The following PLEKHM3 variants were observed in gnomAD, a reference collection of about 807,000 sequenced individuals.
PLEKHM3 encodes the protein pleckstrin homology domain-containing family M member 3.
A neutral mutation model predicts 81.8 loss-of-function variants in PLEKHM3; 45 were observed. That is an observed-to-expected ratio of 0.55 (90% CI 0.43 to 0.71). The LOEUF (loss-of-function observed/expected upper bound fraction) is 0.71. Among genes scored for constraint, PLEKHM3 ranks in the 30% least tolerant of loss-of-function variants. The pLI, the probability that PLEKHM3 is intolerant of heterozygous loss-of-function variation, is 0.00. For synonymous variants in PLEKHM3, 352 were observed against 356.4 expected, an observed-to-expected ratio of 0.99 and a Z score of 0.14; for missense variants, 788 against 924.3, an observed-to-expected ratio of 0.85 and a Z score of 1.91.
At chr2:207,926,937 C>T (rs902655761) in intron 5 of PLEKHM3, among the ~76,000 whole-genome samples, 2 of 152,202 alleles carry the variant, frequency 1.3e-5, no homozygotes, top group African/African-American at 4.8e-5. Context: ...TCAGTTTTCT[C>T]ACGACAGCAA....
At chr2:207,893,091 A>T (rs1241451225) in intron 6 of PLEKHM3, among the ~76,000 whole-genome samples, 1 of 152,096 alleles carries the variant, frequency 6.6e-6, no homozygotes, top group Non-Finnish European at 1.5e-5. Flanking sequence ...CTTTGGTCTC[A>T]TGGAGACAGA....
chr2:207,942,608 T>C (rs775131371), intron 4 of PLEKHM3, among the ~76,000 whole-genome samples: 42 of 151,944 alleles, frequency 2.8e-4, no homozygotes, highest in Non-Finnish European at 1.5e-4. Flanking sequence ...GAAATTAAAG[T>C]GAAATAAGCC....
chr2:208,003,881 A>G (rs545841127), intron 1 of PLEKHM3, among the ~76,000 whole-genome samples: 2 of 152,340 alleles, frequency 1.3e-5, no homozygotes, highest in Admixed American at 1.3e-4. Flanking sequence ...TGAAATGAAC[A>G]TAAACAAAGT....
rs4021953 is a variant in PLEKHM3, at chr2:207,976,409, A to G, written c.1546+242T>C. On this transcript the variant is annotated intron_variant, in intron 3 of 7. Coordinates refer to ENST00000427836, the MANE Select transcript of PLEKHM3 (RefSeq NM_001080475.3). This position sits in a 1 kb window ranked among gnomAD's most constrained non-coding sequence, Gnocchi z 4.1. Reference sequence around the variant, plus strand: ...TTTAGCCAAATCATTTTGATTCAACAGGATATATCATAGCTGCTTCTATTT... The same window carrying G: ...TTTAGCCAAATCATTTTGATTCAACGGGATATATCATAGCTGCTTCTATTT... Among the ~76,000 whole-genome samples the G allele has an allele frequency of 0.68, 102,970 of 152,066 alleles. 35,417 individuals carry two copies. The highest frequency in any genetic ancestry group is 0.73 in the Non-Finnish European group (49,699 of 67,968).
At chr2:207,954,543 T>C (rs1690442143) in intron 3 of PLEKHM3, among the ~76,000 whole-genome samples, 1 of 152,218 alleles carries the variant, frequency 6.6e-6, no homozygotes, top group Non-Finnish European at 1.5e-5. Context: ...CTATGACGTA[T>C]AATCATGTAT....
chr2:208,001,299 G>A lies in PLEKHM3; in HGVS notation c.341C>T (p.Ala114Val), dbSNP rs1160525421. 2.5e-6 allele frequency: 4 copies of A among 1,614,100 alleles called. No homozygotes were observed. The highest frequency in any genetic ancestry group is 2.7e-5 in the African/African-American group (2 of 74,940). ...DNLSWMEQKE[A>V]STFNFFNICQ... Reference sequence around the variant, plus strand: ...GATATTGAAGAAATTAAAGGTTGATGCTTCCTTTTGTTCCATCCAGGAAAG... The same window carrying A: ...GATATTGAAGAAATTAAAGGTTGATACTTCCTTTTGTTCCATCCAGGAAAG... The change falls in exon 2 of 8, where the codon GCA (alanine) becomes GTA (valine). Residue 114 changes from alanine to valine, a missense_variant. By Grantham distance (64) the Ala-to-Val change is moderately conservative. Transcript: ENST00000427836.
intron 6 of PLEKHM3, among the ~76,000 whole-genome samples, chr2:207,899,860 A>G (rs1306596077): frequency 1.3e-5 from 2 of 152,112 alleles, no homozygotes; most frequent in African/African-American, 4.8e-5. Flanking sequence ...CATGGCCTCA[A>G]AGTTCTCTTC....
chr2:208,008,467 A>G (rs977514313), intron 1 of PLEKHM3, among the ~76,000 whole-genome samples: 2 of 142,732 alleles, frequency 1.4e-5, no homozygotes, highest in Admixed American at 1.6e-4. Flanking sequence ...TGTATGCTCC[A>G]AAAAAATCAA....
intron 6 of PLEKHM3, among the ~76,000 whole-genome samples, chr2:207,889,995 G>A (rs1688006769): frequency 6.6e-6 from 1 of 152,094 alleles, no homozygotes. Flanking sequence ...AGTAGAGACG[G>A]GGTTTCACCA....
intron 5 of PLEKHM3, among the ~76,000 whole-genome samples, chr2:207,926,239 C>G (rs1360956281): frequency 3.3e-5 from 5 of 152,102 alleles, no homozygotes; most frequent in Non-Finnish European, 7.4e-5. Context: ...ACTCATTTCC[C>G]AAGAGAAACC....
intron 1 of PLEKHM3, among the ~76,000 whole-genome samples, chr2:208,004,652 A>G (rs1280671937): frequency 3.9e-5 from 6 of 151,982 alleles, no homozygotes; most frequent in Non-Finnish European, 1.5e-5. Flanking sequence ...GGGCCTTTGC[A>G]TTTGCTCTTC....
intron 1 of PLEKHM3, among the ~76,000 whole-genome samples, chr2:208,008,558 G>T (rs1692583898): frequency 6.7e-6 from 1 of 148,404 alleles, no homozygotes; most frequent in South Asian, 2.1e-4. Context: ...GGAGTGCTGT[G>T]CCTACTTATA....
At chr2:208,020,526 T>A (rs908630629) in intron 1 of PLEKHM3, among the ~76,000 whole-genome samples, 1 of 152,216 alleles carries the variant, frequency 6.6e-6, no homozygotes, top group Admixed American at 6.5e-5. Flanking sequence ...GATCCCACAG[T>A]AGCCAATGAA....
At chr2:207,986,568 C>T (rs1360289655) in intron 2 of PLEKHM3, among the ~76,000 whole-genome samples, 1 of 152,162 alleles carries the variant, frequency 6.6e-6, no homozygotes, top group Non-Finnish European at 1.5e-5. Context: ...CAAAGCAGGG[C>T]ACTAAGCTTT....
intron 6 of PLEKHM3, chr2:207,901,105 ATCTCAACTGAGCTCCT>A: frequency 1.7e-6 from 1 of 605,464 alleles, no homozygotes; most frequent in Admixed American, 2.8e-5. Flanking sequence ...TGGAATCCTT[ATCTCAACTGAGCTCCT>A]TCTCACCTGG....
At chr2:207,897,464 T>G (rs1688263202) in intron 6 of PLEKHM3, among the ~76,000 whole-genome samples, 1 of 152,188 alleles carries the variant, frequency 6.6e-6, no homozygotes, top group Non-Finnish European at 1.5e-5. Flanking sequence ...TTATGCATAC[T>G]AACTCTAAGG....
At chr2:207,884,857 A>T (rs1289492044) in intron 6 of PLEKHM3, among the ~76,000 whole-genome samples, 1 of 152,202 alleles carries the variant, frequency 6.6e-6, no homozygotes, top group Non-Finnish European at 1.5e-5. Flanking sequence ...AAGGGAACAG[A>T]TGATATTAGT....
intron 5 of PLEKHM3, among the ~76,000 whole-genome samples, chr2:207,923,151 T>C (rs1275623410): frequency 1.3e-5 from 2 of 152,076 alleles, no homozygotes; most frequent in East Asian, 3.9e-4. Context: ...ACAGAGAACC[T>C]TGAAAACCCA....
chr2:207,981,440 G>A (rs1380531194), intron 2 of PLEKHM3, among the ~76,000 whole-genome samples: 1 of 152,044 alleles, frequency 6.6e-6, no homozygotes, highest in Non-Finnish European at 1.5e-5. Flanking sequence ...AACTCCTAGA[G>A]GTTCAAACAA....
Sources: gnomAD v4.1 joint callset for allele counts (sites outside exome capture counted in the v4.1 genomes callset) on GRCh38, gnomAD v4.1.1 for gene constraint, Gnocchi (gnomAD v3.1) non-coding constraint, MANE v1.5 for transcripts, NCBI Gene and HGNC (gene_info 2026-07-23, HGNC 2026-07-21) for gene names.